TIAM2: variants seen among roughly 807,000 people sequenced by gnomAD.
TIAM2 encodes the protein rho guanine nucleotide exchange factor TIAM2.
A neutral mutation model predicts 152.9 loss-of-function variants in TIAM2; 80 were observed. The observed-to-expected ratio is 0.52, with a 90% CI of 0.44 to 0.63. The LOEUF is 0.63. Among genes scored for constraint, TIAM2 ranks in the 30% least tolerant of loss-of-function variants. The pLI is 0.00. For synonymous variants in TIAM2, 804 were observed against 838.0 expected, an observed-to-expected ratio of 0.96 and a Z score of 0.70; for missense variants, 1,965 against 2,120.1, an observed-to-expected ratio of 0.93 and a Z score of 1.44.
rs1778555977 is a variant in TIAM2 at position 155,101,815 on chromosome 6, C to T, written c.-118+11436C>T. Among the ~76,000 whole-genome samples, 4 of 151,882 alleles carry T rather than the reference C, an allele frequency of 2.6e-5. No homozygotes were observed. The South Asian group carries it at 8.3e-4, about 32-fold the overall frequency. The stretch of plus-strand genomic sequence containing the variant: ...AGCCTCTGCCTCTCGGGTTCTCCTG[C>T]CTCAGCCTCCCGAGTAGCTGAGACT... On this transcript the variant is annotated intron_variant, in intron 2 of 26. Transcript: ENST00000682666.
At chr6:155,217,725 A>G (rs1781896982) in intron 15 of TIAM2, among the ~76,000 whole-genome samples, 1 of 152,208 alleles carries the variant, frequency 6.6e-6, no homozygotes, top group African/African-American at 2.4e-5. Context: ...TAGAACAGAG[A>G]GCATTGAGAA....
At chr6:155,116,450 G>A (rs1209997011) in intron 2 of TIAM2, among the ~76,000 whole-genome samples, 2 of 152,174 alleles carry the variant, frequency 1.3e-5, no homozygotes, top group Non-Finnish European at 2.9e-5. Flanking sequence ...TTTTATGAAG[G>A]TGGGGAAAGC....
intron 1 of TIAM2, among the ~76,000 whole-genome samples, chr6:155,039,083 C>G (rs1233277431): frequency 6.6e-6 from 1 of 150,636 alleles, no homozygotes; most frequent in Admixed American, 6.7e-5. Flanking sequence ...ACCTCAGTCT[C>G]CTGAGTAGCT....
intron 9 of TIAM2, among the ~76,000 whole-genome samples, chr6:155,167,380 C>T (rs370825923): frequency 2.0e-5 from 3 of 152,200 alleles, no homozygotes; most frequent in East Asian, 1.9e-4. Flanking sequence ...AGCCACCACA[C>T]GTGGCTAATT....
chr6:155,004,714 C>T (rs1778371466), intron 1 of TIAM2: 1 of 152,178 alleles, frequency 6.6e-6, no homozygotes, highest in African/African-American at 2.4e-5. Flanking sequence ...ATCTTTTTTT[C>T]CAAGTCTGTT....
Position 155,062,855 on chromosome 6 carries a change from G to A in TIAM2, c.-208-27434G>A, listed in dbSNP as rs561519751. Among the ~76,000 whole-genome samples the A allele has an allele frequency of 1.8e-3, 279 of 152,082 alleles. 1 individual carries two copies. The highest frequency in any genetic ancestry group is 6.3e-3 in the African/African-American group (260 of 41,492). On this transcript the variant is annotated intron_variant, in intron 1 of 26. Coordinates refer to ENST00000682666, the MANE Select transcript of TIAM2 (RefSeq NM_012454.4). ...CTCCCAAAGTGCTGGGATTACAGGC[G>A]TGAGCCACCATGCCTGGCCTCTCCT...
intron 2 of TIAM2, among the ~76,000 whole-genome samples, chr6:155,120,740 G>A (rs1283707830): frequency 1.3e-5 from 2 of 152,148 alleles, no homozygotes; most frequent in East Asian, 1.9e-4. Flanking sequence ...TTGTTGTGGC[G>A]AACTGTCCTG....
chr6:155,197,032 T>G (rs1210418712), intron 14 of TIAM2, among the ~76,000 whole-genome samples: 3 of 152,228 alleles, frequency 2.0e-5, no homozygotes, highest in Non-Finnish European at 4.4e-5. Context: ...TTGTGTATCT[T>G]CTGTTAGGAG....
rs77363853 is a variant in TIAM2 at position 155,218,531 on chromosome 6, C to T, written c.3168+7224C>T. Reference sequence around the variant, plus strand: ...CTGTGTGTCCTCCTCTATGAATAAACATAACACCACCACCAACCCAGTGTT... The same window carrying T: ...CTGTGTGTCCTCCTCTATGAATAAATATAACACCACCACCAACCCAGTGTT... On this transcript the variant is annotated intron_variant, in intron 15 of 26. Transcript: ENST00000682666. The surrounding 1 kb of genome is among the most constrained non-coding windows in gnomAD (Gnocchi z 4.5). Among the ~76,000 whole-genome samples, 89 of 152,308 alleles carry T rather than the reference C, an allele frequency of 5.8e-4. No individual in the cohort carries two copies. Among genetic ancestry groups the T allele is most frequent in the African/African-American group, 2.1e-3 (87 of 41,550 alleles).
chr6:155,208,280 T>A (rs910897074), intron 14 of TIAM2, among the ~76,000 whole-genome samples: 3 of 152,236 alleles, frequency 2.0e-5, no homozygotes, highest in Non-Finnish European at 4.4e-5. Context: ...GTATGGCTTC[T>A]GTGACATGAC....
At chr6:155,182,597 T>G (rs1284809380) in intron 13 of TIAM2, among the ~76,000 whole-genome samples, 10 of 151,700 alleles carry the variant, frequency 6.6e-5, no homozygotes, top group Admixed American at 6.6e-4. Context: ...CCTGCCTCCG[T>G]AAAAAAGGAC....
chr6:155,192,900 A>G (rs1781243205), intron 14 of TIAM2, among the ~76,000 whole-genome samples: 1 of 152,170 alleles, frequency 6.6e-6, no homozygotes, highest in South Asian at 2.1e-4. Context: ...GCAAGTGGCC[A>G]TTTCTTCAAG....
rs148796945 is a variant in TIAM2 at position 155,105,983 on chromosome 6, ATTTAT to A, written c.-118+15638_-118+15642del. On this transcript the variant is annotated intron_variant, in intron 2 of 26. Transcript: ENST00000682666. ...GCTGCTTTATCTTTTGGGTATTTTT[ATTTAT>A]TTTATTTTATTTTATTTTATTTTAT... is the stretch of plus-strand genomic sequence containing the variant. Among the ~76,000 whole-genome samples, 145 of 140,594 alleles carry A rather than the reference ATTTAT, an allele frequency of 1.0e-3. 1 individual carries two copies. Among genetic ancestry groups the A allele is most frequent in the East Asian group, 5.8e-3 (28 of 4,826 alleles). The allele number at this position is 140,594 out of a possible 152,430, so 92.2% of individuals were successfully genotyped here. A position where few individuals can be genotyped will look rare whatever the true frequency, so the allele number is the denominator to read the frequency against.
chr6:155,100,900 G>A (rs1364935871), intron 2 of TIAM2, among the ~76,000 whole-genome samples: 3 of 152,194 alleles, frequency 2.0e-5, no homozygotes, highest in Non-Finnish European at 4.4e-5. Flanking sequence ...GTCATACAGT[G>A]GGATCTGATG....
intron 1 of TIAM2, among the ~76,000 whole-genome samples, chr6:155,047,196 A>G (rs1777194248): frequency 6.6e-6 from 1 of 151,946 alleles, no homozygotes; most frequent in Non-Finnish European, 1.5e-5. Context: ...CTTTTTTGAG[A>G]TGGGGTCTCA....
chr6:155,199,727 G>C (rs1385898555), intron 14 of TIAM2, among the ~76,000 whole-genome samples: 9 of 152,134 alleles, frequency 5.9e-5, no homozygotes, highest in Admixed American at 5.9e-4. Flanking sequence ...TTCCATTTTG[G>C]TTTTGCAGCC....
At chr6:155,002,050 T>C (rs1448080042) in intron 1 of TIAM2, among the ~76,000 whole-genome samples, 3 of 152,218 alleles carry the variant, frequency 2.0e-5, no homozygotes, top group African/African-American at 7.2e-5. Context: ...GATTTTCATC[T>C]CTAAAAGAAG....
At chr6:155,122,440 G>A (rs929944451) in intron 2 of TIAM2, among the ~76,000 whole-genome samples, 12 of 149,410 alleles carry the variant, frequency 8.0e-5, no homozygotes, top group Non-Finnish European at 1.5e-4. Context: ...GAGAATGGAA[G>A]GCAGGATTTT....
At chr6:155,009,915 C>T (rs560790505) in intron 1 of TIAM2, among the ~76,000 whole-genome samples, 1 of 152,040 alleles carries the variant, frequency 6.6e-6, no homozygotes, top group South Asian at 2.1e-4. Context: ...TGCAGTGGTG[C>T]AATCTCGGCT....
Sources: allele counts gnomAD v4.1 joint callset (sites outside exome capture counted in the v4.1 genomes callset), GRCh38; gene constraint gnomAD v4.1.1; non-coding constraint Gnocchi (gnomAD v3.1); transcripts MANE v1.5; gene names NCBI Gene and HGNC (gene_info 2026-07-23, HGNC 2026-07-21).